NRCAM: variants seen among roughly 807,000 people sequenced by gnomAD.
NRCAM encodes neuronal cell adhesion molecule, also known as NgCAM-related cell adhesion molecule.
NRCAM carries 83 observed loss-of-function variants against 156.5 expected under a neutral mutation model. The ratio of observed to expected loss-of-function variants is 0.53; its 90% CI spans 0.44 to 0.64. The LOEUF is 0.64. NRCAM is among the 30% of genes least tolerant of loss of function. The probability of loss-of-function intolerance (pLI) is 0.00; values close to 1 mark genes in which losing one functional copy is unlikely to be tolerated. For missense variants in NRCAM, 1,417 were observed against 1,597.3 expected, an observed-to-expected ratio of 0.89 and a Z score of 1.92; for synonymous variants, 538 against 563.9, an observed-to-expected ratio of 0.95 and a Z score of 0.65.
chr7:108,197,171 A>C (rs148681677), intron 14 of NRCAM, among the ~76,000 whole-genome samples: 1 of 152,316 alleles, frequency 6.6e-6, no homozygotes, highest in East Asian at 1.9e-4. Context: ...TGCTGAACTC[A>C]TAAAAGTAGA....
At chr7:108,318,107 G>A (rs1394983470) in intron 2 of NRCAM, among the ~76,000 whole-genome samples, 1 of 139,446 alleles carries the variant, frequency 7.2e-6, no homozygotes, top group African/African-American at 2.7e-5. Flanking sequence ...GTGGAGTGGT[G>A]GGATCTTGGC....
chr7:108,216,616 C>T (rs1361364858), intron 11 of NRCAM, among the ~76,000 whole-genome samples: 1 of 152,108 alleles, frequency 6.6e-6, no homozygotes, highest in African/African-American at 2.4e-5. Flanking sequence ...CATTCTTTTT[C>T]ATTCTTTTTT....
intron 32 of NRCAM, among the ~76,000 whole-genome samples, chr7:108,151,051 G>A (rs2041261218): frequency 6.6e-6 from 1 of 152,088 alleles, no homozygotes. Flanking sequence ...ACTTTAATAC[G>A]ACTTTACAAG....
At chr7:108,292,074 G>A (rs1392793792) in intron 3 of NRCAM, among the ~76,000 whole-genome samples, 1 of 152,202 alleles carries the variant, frequency 6.6e-6, no homozygotes, top group African/African-American at 2.4e-5. Flanking sequence ...ACCCAGTTTT[G>A]CAGATCACTT....
intron 2 of NRCAM, among the ~76,000 whole-genome samples, chr7:108,321,023 C>T (rs1219003652): frequency 6.6e-6 from 1 of 152,132 alleles, no homozygotes; most frequent in African/African-American, 2.4e-5. Flanking sequence ...CTATTCTGTC[C>T]CCTGAACAAC....
rs1329502505 is a variant in NRCAM at position 108,180,896 on chromosome 7, AGAT to A, written c.2647-472_2647-470del. On this transcript the variant is annotated intron_variant, in intron 24 of 32. Transcript: ENST00000379028. ...TTTATTACTGTTATTCATATGGTGC[AGAT>A]GAACGTGTGGGCTACTAAGTGACTT... Among the ~76,000 whole-genome samples the A allele has an allele frequency of 2.6e-5, 4 of 152,368 alleles. No individual in the cohort carries two copies. In the East Asian group the frequency reaches 7.7e-4, roughly 29 times the overall value.
At chr7:108,210,551 T>C (rs2153593057) in intron 11 of NRCAM, among the ~76,000 whole-genome samples, 1 of 152,314 alleles carries the variant, frequency 6.6e-6, no homozygotes, top group Admixed American at 6.5e-5. Flanking sequence ...TGGTCCCAAC[T>C]GTGTTTTTTA....
At chr7:108,266,588 T>G (rs2097113904) in intron 3 of NRCAM, among the ~76,000 whole-genome samples, 1 of 152,196 alleles carries the variant, frequency 6.6e-6, no homozygotes, top group Non-Finnish European at 1.5e-5. Flanking sequence ...TCAAATCAGA[T>G]CCAGTGTCTT....
intron 24 of NRCAM, among the ~76,000 whole-genome samples, chr7:108,181,534 T>C (rs1182693255): frequency 1.3e-5 from 2 of 152,210 alleles, no homozygotes; most frequent in African/African-American, 2.4e-5. Flanking sequence ...ATTCTAGGTC[T>C]TTAAAAAATT....
chr7:108,372,070 T>C (rs1193838668), intron 2 of NRCAM, among the ~76,000 whole-genome samples: 1 of 152,052 alleles, frequency 6.6e-6, no homozygotes, highest in Non-Finnish European at 1.5e-5. Context: ...TCCACACATA[T>C]ACAGTCAACT....
In NRCAM at chr7:108,293,275, C is replaced by T. The variant is rs1011787434; in HGVS notation, c.-107+19390G>A. On this transcript the variant is annotated intron_variant, in intron 3 of 32. Coordinates refer to ENST00000379028, the MANE Select transcript of NRCAM (RefSeq NM_001037132.4). Reference sequence around the variant, plus strand: ...ACTGTGCTTCTAATTGTCCAGCGGGCGATCACGGCTTGGCTAAGAAAGGCT... The same window carrying T: ...ACTGTGCTTCTAATTGTCCAGCGGGTGATCACGGCTTGGCTAAGAAAGGCT... 5.3e-5 allele frequency among the ~76,000 whole-genome samples: 8 copies of T among 152,026 alleles called. No homozygotes were observed. In the East Asian group the frequency reaches 5.8e-4, roughly 11 times the overall value.
chr7:108,452,798 G>A (rs991344850), intron 1 of NRCAM, among the ~76,000 whole-genome samples: 1 of 152,074 alleles, frequency 6.6e-6, no homozygotes, highest in Non-Finnish European at 1.5e-5. Flanking sequence ...TCAGATGGTA[G>A]GTACTCTTTG....
At chr7:108,182,316 G>A (rs1222332830) in intron 23 of NRCAM, among the ~76,000 whole-genome samples, 1 of 152,084 alleles carries the variant, frequency 6.6e-6, no homozygotes, top group African/African-American at 2.4e-5. Flanking sequence ...CTCTACATCT[G>A]CAGGTTCTGC....
chr7:108,403,391 A>C (rs4141076), intron 1 of NRCAM, among the ~76,000 whole-genome samples: 49,655 of 152,080 alleles, frequency 0.33, 8,603 homozygotes, highest in Middle Eastern at 0.46. Flanking sequence ...CTAATAAAAA[A>C]TTTAAAAGCC....
At chr7:108,218,035 G>T (rs1330018575) in intron 11 of NRCAM, among the ~76,000 whole-genome samples, 2 of 152,182 alleles carry the variant, frequency 1.3e-5, no homozygotes, top group Admixed American at 6.5e-5. Flanking sequence ...TTGAAACCCA[G>T]TGCCCTGGTG....
intron 25 of NRCAM, 22 bp from the exon 26 acceptor site, chr7:108,178,134 C>G: frequency 6.2e-7 from 1 of 1,605,574 alleles, no homozygotes; most frequent in Non-Finnish European, 8.5e-7. Flanking sequence ...AACTTACAGT[C>G]AACACAAAGA....
intron 11 of NRCAM, among the ~76,000 whole-genome samples, chr7:108,216,916 C>T (rs748230103): frequency 2.6e-5 from 4 of 152,184 alleles, no homozygotes; most frequent in Non-Finnish European, 5.9e-5. Flanking sequence ...CCACTTCTGT[C>T]AATTCGTCAA....
At chr7:108,162,781 G>A (rs369747488) in intron 30 of NRCAM, among the ~76,000 whole-genome samples, 27 of 152,210 alleles carry the variant, frequency 1.8e-4, no homozygotes, top group African/African-American at 6.3e-4. Flanking sequence ...ATAGGTGCAT[G>A]TGTGCACACA....
intron 3 of NRCAM, among the ~76,000 whole-genome samples, chr7:108,295,331 C>T (rs1592108966): frequency 6.6e-6 from 1 of 152,178 alleles, no homozygotes; most frequent in Non-Finnish European, 1.5e-5. Context: ...TTCTCTTAGT[C>T]TATTCAGGCT....
Sources: allele counts gnomAD v4.1 joint callset (sites outside exome capture counted in the v4.1 genomes callset), GRCh38; gene constraint gnomAD v4.1.1; transcripts MANE v1.5; gene names NCBI Gene and HGNC (gene_info 2026-07-23, HGNC 2026-07-21).